Variants in MERTK observed in about 807,000 individuals in gnomAD.
MERTK encodes the protein tyrosine-protein kinase Mer.
Under a neutral mutation model 99.3 loss-of-function variants are expected in MERTK, and 69 were observed. That is an observed-to-expected ratio of 0.70 (90% CI 0.57 to 0.85). The LOEUF (loss-of-function observed/expected upper bound fraction) is 0.85, where lower values mean the gene tolerates loss of function less well. MERTK is among the 40% of genes least tolerant of loss of function. The pLI is 0.00. For synonymous variants in MERTK, 426 were observed against 467.6 expected (o/e 0.91, Z 1.15); for missense variants, 1,125 against 1,249.4 (o/e 0.90, Z 1.50).
chr2:112,020,450 G>C (rs1195745650), intron 16 of MERTK, among the ~76,000 whole-genome samples: 1 of 152,152 alleles, frequency 6.6e-6, no homozygotes, highest in East Asian at 1.9e-4. Flanking sequence ...GGACAAGTTA[G>C]TCACCTTCCC....
chr2:111,985,239 C>T (rs1253475948), intron 8 of MERTK, among the ~76,000 whole-genome samples: 1 of 152,166 alleles, frequency 6.6e-6, no homozygotes, highest in Admixed American at 6.5e-5. Flanking sequence ...AAGACCACTG[C>T]TATGATGTGA....
In MERTK at chr2:111,969,847, G is replaced by A. The variant is rs575193046; in HGVS notation, c.960+1595G>A. Among the ~76,000 whole-genome samples, 216 of 151,614 alleles carry A rather than the reference G, an allele frequency of 1.4e-3. 2 individuals are homozygous for A. Among genetic ancestry groups the A allele is most frequent in the African/African-American group, 4.7e-3 (193 of 41,326 alleles). ...GCTGGGACTACAGGCCCCCGCCACC[G>A]CGCCCAGCTAATTTTTTGTATTTTT... On this transcript the variant is annotated intron_variant, in intron 6 of 18. Coordinates refer to ENST00000295408, the MANE Select transcript of MERTK (RefSeq NM_006343.3).
intron 7 of MERTK, among the ~76,000 whole-genome samples, chr2:111,981,769 T>C (rs1676377508): frequency 2.0e-5 from 3 of 152,088 alleles, no homozygotes; most frequent in Admixed American, 2.0e-4. Context: ...ACACACACTT[T>C]TTAAATGTGT....
At chr2:111,961,512 A>G (rs1685251164) in intron 4 of MERTK, among the ~76,000 whole-genome samples, 1 of 152,158 alleles carries the variant, frequency 6.6e-6, no homozygotes, top group South Asian at 2.1e-4. Flanking sequence ...GTTTCCTCCC[A>G]TCTGAGGGAA....
chr2:112,022,601 TG>T (rs781463076), intron 18 of MERTK: 19 of 812,910 alleles, frequency 2.3e-5, no homozygotes, highest in Middle Eastern at 2.4e-4. Context: ...GTGAGCCCAC[TG>T]AGGCTCACTC....
rs921505876 is a variant in MERTK, at chr2:111,993,054, T to G, written c.1297-1197T>G. On this transcript the variant is annotated intron_variant, in intron 8 of 18. Coordinates refer to ENST00000295408, the MANE Select transcript of MERTK (RefSeq NM_006343.3). Reference sequence around the variant, plus strand: ...TGCCCAGCTGGTGTCTGCTGTGGAATTGACTGATTGGTTTTTGGTAGGGAA... The same window carrying G: ...TGCCCAGCTGGTGTCTGCTGTGGAAGTGACTGATTGGTTTTTGGTAGGGAA... Among the ~76,000 whole-genome samples, 3 of 152,134 alleles carry G rather than the reference T, an allele frequency of 2.0e-5. No individual in the cohort carries two copies. In the South Asian group the frequency reaches 6.2e-4, roughly 32 times the overall value.
chr2:111,938,480 C>T (rs1397616739), intron 2 of MERTK, among the ~76,000 whole-genome samples: 1 of 152,146 alleles, frequency 6.6e-6, no homozygotes, highest in Non-Finnish European at 1.5e-5. Flanking sequence ...CTGCTACTTC[C>T]AAGTCATTTC....
Position 111,975,438 on chromosome 2 carries a change from G to T in MERTK, c.1110G>T (p.Val370=), listed in dbSNP as rs1241598335. The T allele has an allele frequency of 6.2e-7, 1 of 1,614,042 alleles. No individual in the cohort carries two copies. The highest frequency in any genetic ancestry group is 8.5e-7 in the Non-Finnish European group (1 of 1,180,042). The stretch of plus-strand genomic sequence containing the variant: ...TGAATGAAATAGGCTGGTCTGCAGT[G>T]AGCCCTTGGATTCTAGCCAGCACGA... ...SCMNEIGWSA[V]SPWILASTTE... Residue 370 remains valine (V), a synonymous_variant, in exon 7 of 19, where the codon GTG becomes GTT. Transcript: ENST00000295408.
chr2:112,009,847 C>A, intron 14 of MERTK, 101 bp from the exon 15 acceptor site: 1 of 900,890 alleles, frequency 1.1e-6, no homozygotes, highest in Middle Eastern at 2.2e-4. Context: ...AAACTGTTAA[C>A]TTGGTAACAC....
intron 1 of MERTK, among the ~76,000 whole-genome samples, chr2:111,899,526 T>G (rs1684002971): frequency 6.6e-6 from 1 of 152,136 alleles, no homozygotes; most frequent in Non-Finnish European, 1.5e-5. Flanking sequence ...GGCTTTTTTT[T>G]TTTTAATTTG....
intron 4 of MERTK, among the ~76,000 whole-genome samples, chr2:111,957,174 G>A (rs7578435): frequency 0.23 from 35,578 of 151,572 alleles, 4,437 homozygotes; most frequent in Middle Eastern, 0.36. Context: ...TGATCCGCCC[G>A]CCTTGGCCAG....
intron 15 of MERTK, among the ~76,000 whole-genome samples, chr2:112,016,857 A>G (rs964321827): frequency 1.3e-5 from 2 of 152,228 alleles, no homozygotes; most frequent in African/African-American, 4.8e-5. Context: ...TGGGAGGCCA[A>G]GGCGGGTGGA....
Position 111,989,120 on chromosome 2 carries a change from G to T in MERTK, c.1297-5131G>T, listed in dbSNP as rs1352467456. Among the ~76,000 whole-genome samples, 4 of 152,048 alleles carry T rather than the reference G, an allele frequency of 2.6e-5. 1 individual carries two copies. Among genetic ancestry groups the T allele is most frequent in the African/African-American group, 9.7e-5 (4 of 41,382 alleles). On this transcript the variant is annotated intron_variant, in intron 8 of 18. Coordinates refer to ENST00000295408, the MANE Select transcript of MERTK (RefSeq NM_006343.3). Reference sequence around the variant, plus strand: ...CCCTACTCGTTCCCAGGCGCCCCTGGCTTTCTTCATAATACAGTCTCATTC... The same window carrying T: ...CCCTACTCGTTCCCAGGCGCCCCTGTCTTTCTTCATAATACAGTCTCATTC...
intron 8 of MERTK, among the ~76,000 whole-genome samples, chr2:111,993,956 C>T (rs947416999): frequency 2.3e-4 from 35 of 152,284 alleles, no homozygotes; most frequent in African/African-American, 7.2e-4. Flanking sequence ...CTCTGCCGTC[C>T]GGGTGCATCT....
At chr2:111,924,113 C>CCT (rs1684513095) in intron 1 of MERTK, among the ~76,000 whole-genome samples, 2 of 152,156 alleles carry the variant, frequency 1.3e-5, no homozygotes, top group African/African-American at 4.8e-5. Context: ...TCTCACCAGC[C>CCT]ACGTGGGGGT....
intron 15 of MERTK, among the ~76,000 whole-genome samples, chr2:112,010,712 C>T (rs1243652469): frequency 2.0e-5 from 3 of 152,140 alleles, no homozygotes; most frequent in Non-Finnish European, 4.4e-5. Context: ...CCACTGGGGA[C>T]ATTGTATCTT....
At chr2:112,006,137 C>T (rs1676975116) in intron 13 of MERTK, among the ~76,000 whole-genome samples, 2 of 152,278 alleles carry the variant, frequency 1.3e-5, no homozygotes, top group South Asian at 4.1e-4. Flanking sequence ...CCACCTTGGC[C>T]TCCCAAAGTG....
chr2:112,022,937 A>G (rs924612994), intron 18 of MERTK, among the ~76,000 whole-genome samples: 2 of 152,094 alleles, frequency 1.3e-5, no homozygotes, highest in African/African-American at 4.8e-5. Context: ...GTTCCCGGAA[A>G]TTATGATGCT....
intron 8 of MERTK, among the ~76,000 whole-genome samples, chr2:111,992,208 C>T (rs550456678): frequency 2.6e-5 from 4 of 152,126 alleles, no homozygotes; most frequent in South Asian, 4.1e-4. Flanking sequence ...TGGGTTTCCT[C>T]GCTCAGTCTA....
Sources: gnomAD v4.1 joint callset for allele counts (sites outside exome capture counted in the v4.1 genomes callset) on GRCh38, gnomAD v4.1.1 for gene constraint, MANE v1.5 for transcripts, NCBI Gene and HGNC (gene_info 2026-07-23, HGNC 2026-07-21) for gene names.